SLC25A17: variants seen among roughly 807,000 people sequenced by gnomAD.
SLC25A17 encodes peroxisomal membrane protein PMP34.
Under a neutral mutation model 38.5 loss-of-function variants are expected in SLC25A17, and 26 were observed. The observed-to-expected ratio is 0.68, with a 90% CI of 0.50 to 0.94. SLC25A17 has a LOEUF of 0.94. SLC25A17 is among the 40% of genes least tolerant of loss of function. SLC25A17 has a pLI of 0.00. For missense variants in SLC25A17, 333 were observed against 372.7 expected (o/e 0.89, Z 0.88); for synonymous variants, 139 against 136.2 (o/e 1.02, Z -0.14).
chr22:40,816,629 A>C, intron 1 of SLC25A17, among the ~76,000 whole-genome samples: 1 of 142,186 alleles, frequency 7.0e-6, no homozygotes, highest in East Asian at 2.0e-4. Context: ...TTTTTTCTTG[A>C]GACGGAGTCT....
chr22:40,819,105 T>C (rs2057670533), intron 1 of SLC25A17, 90 bp downstream of exon 1: 1 of 1,406,276 alleles, frequency 7.1e-7, no homozygotes, highest in Non-Finnish European at 9.9e-7. Context: ...ACTACCTCCC[T>C]CTCAGACCCA....
intron 4 of SLC25A17, among the ~76,000 whole-genome samples, chr22:40,784,864 T>G (rs759203489): frequency 1.1e-4 from 16 of 151,772 alleles, no homozygotes; most frequent in Non-Finnish European, 1.8e-4. Context: ...ATAACCTACC[T>G]GGATCTTGTG....
In SLC25A17 at chr22:40,773,270, C is replaced by CGTG. The variant is rs201691338; in HGVS notation, c.776+664_776+666dup. On this transcript the variant is annotated intron_variant, in intron 8 of 8. Coordinates refer to ENST00000435456, the MANE Select transcript of SLC25A17 (RefSeq NM_006358.4). ...TAAAAAATACAAAAAATGAGCCAGG[C>CGTG]GTGGTGGCAGGCGCCTGTAGTCCCA... Among the ~76,000 whole-genome samples the CGTG allele has an allele frequency of 3.6e-3, 542 of 152,022 alleles. 5 individuals carry two copies. Among genetic ancestry groups the CGTG allele is most frequent in the African/African-American group, 0.013 (522 of 41,456 alleles).
chr22:40,799,000 A>G (rs749106594), intron 2 of SLC25A17, 23 bp downstream of exon 2: 10 of 1,525,580 alleles, frequency 6.6e-6, no homozygotes, highest in Non-Finnish European at 9.1e-6. Flanking sequence ...CACCATACAA[A>G]TAGGAGTATG....
chr22:40,770,077 A>G lies in SLC25A17; in HGVS notation c.*757T>C, dbSNP rs555099719. 7.2e-5 allele frequency: 11 copies of G among 152,316 alleles called. No individual in the cohort carries two copies. Among genetic ancestry groups the G allele is most frequent in the Admixed American group, 7.2e-4 (11 of 15,300 alleles). The allele number at this position is 152,316 out of a possible 1,614,324, so 9.4% of individuals were successfully genotyped here. A position where few individuals can be genotyped will look rare whatever the true frequency, so the allele number is the denominator to read the frequency against. ...CCTTAATAAAGAGCAATTTTCAAGAATATCTTTTTTGTGCTGACCATTTAT... is the reference window on the plus strand; with the variant it reads ...CCTTAATAAAGAGCAATTTTCAAGAGTATCTTTTTTGTGCTGACCATTTAT... On this transcript the variant is annotated 3_prime_UTR_variant, in exon 9 of 9. Transcript: ENST00000435456.
At chr22:40,807,137 C>T (rs1299694542) in intron 1 of SLC25A17, among the ~76,000 whole-genome samples, 1 of 152,104 alleles carries the variant, frequency 6.6e-6, no homozygotes, top group Admixed American at 6.6e-5. Context: ...TTTATCTATT[C>T]AAAATGTTTT....
At chr22:40,797,815 A>G (rs925326909) in intron 2 of SLC25A17, among the ~76,000 whole-genome samples, 1 of 152,248 alleles carries the variant, frequency 6.6e-6, no homozygotes, top group African/African-American at 2.4e-5. Flanking sequence ...GAGGTGCACC[A>G]GGCCTGTATG....
At chr22:40,805,410 G>A (rs1052390566) in intron 1 of SLC25A17, among the ~76,000 whole-genome samples, 1 of 152,198 alleles carries the variant, frequency 6.6e-6, no homozygotes, top group Non-Finnish European at 1.5e-5. Flanking sequence ...GCAGTGTGAT[G>A]AGGACTCAAC....
At chr22:40,813,136 A>T (rs1478265470) in intron 1 of SLC25A17, among the ~76,000 whole-genome samples, 2 of 152,226 alleles carry the variant, frequency 1.3e-5, no homozygotes, top group African/African-American at 2.4e-5. Flanking sequence ...TTACGTCCCA[A>T]GTATAGTATA....
At chr22:40,796,305 A>G (rs945678930) in intron 2 of SLC25A17, among the ~76,000 whole-genome samples, 2 of 152,178 alleles carry the variant, frequency 1.3e-5, no homozygotes, top group Middle Eastern at 3.2e-3. Context: ...AATTGGTACC[A>G]GTATGGCTTG....
chr22:40,806,354 T>A (rs889804438), intron 1 of SLC25A17, among the ~76,000 whole-genome samples: 1 of 152,202 alleles, frequency 6.6e-6, no homozygotes, highest in Admixed American at 6.5e-5. Context: ...AATGTAGGCT[T>A]CCATTTCCAG....
At chr22:40,791,080 G>C in intron 4 of SLC25A17, among the ~76,000 whole-genome samples, 1 of 152,202 alleles carries the variant, frequency 6.6e-6, no homozygotes, top group Non-Finnish European at 1.5e-5. Flanking sequence ...GGGAAGATCA[G>C]ACTATAGTGC....
Position 40,811,938 on chromosome 22 carries a change from G to A in SLC25A17, c.54+7257C>T, listed in dbSNP as rs150365761. 1.2e-3 allele frequency among the ~76,000 whole-genome samples: 186 copies of A among 151,992 alleles called. 1 individual carries two copies. Among genetic ancestry groups the A allele is most frequent in the African/African-American group, 4.4e-3 (182 of 41,432 alleles). ...TCCAAACTGTATCAGTCACATAAAC[G>A]ATTTTTAGCCTAAGTTCTTGGGGAT... On this transcript the variant is annotated intron_variant, in intron 1 of 8. Coordinates refer to ENST00000435456, the MANE Select transcript of SLC25A17 (RefSeq NM_006358.4).
chr22:40,813,122 A>C (rs1568990114), intron 1 of SLC25A17, among the ~76,000 whole-genome samples: 1 of 152,172 alleles, frequency 6.6e-6, no homozygotes, highest in Non-Finnish European at 1.5e-5. Flanking sequence ...GATAAAATAT[A>C]GGTTTACGTC....
intron 1 of SLC25A17, among the ~76,000 whole-genome samples, chr22:40,813,098 C>T (rs1276108372): frequency 6.6e-6 from 1 of 152,146 alleles, no homozygotes; most frequent in East Asian, 1.9e-4. Context: ...GGATGACACT[C>T]TCGAGTGTTT....
chr22:40,775,798 C>T (rs1014512208), intron 7 of SLC25A17, among the ~76,000 whole-genome samples: 11 of 152,222 alleles, frequency 7.2e-5, no homozygotes, highest in Non-Finnish European at 1.2e-4. Flanking sequence ...TCCCCCTGCA[C>T]TTGTCCTTGC....
At chr22:40,795,281 C>G (rs987752976) in intron 2 of SLC25A17, among the ~76,000 whole-genome samples, 1 of 151,942 alleles carries the variant, frequency 6.6e-6, no homozygotes, top group African/African-American at 2.4e-5. Flanking sequence ...GAAAAGACGA[C>G]AGAAAACATT....
At chr22:40,807,411 C>T (rs979708165) in intron 1 of SLC25A17, among the ~76,000 whole-genome samples, 11 of 152,216 alleles carry the variant, frequency 7.2e-5, no homozygotes, top group African/African-American at 2.4e-4. Context: ...ACAGAACTCA[C>T]GCTCTTACTA....
rs6002156 is a variant in SLC25A17, at chr22:40,806,798, T to C, written c.55-7715A>G. Among the ~76,000 whole-genome samples the C allele has an allele frequency of 3.6e-3, 545 of 152,330 alleles. 5 individuals are homozygous for C. Among genetic ancestry groups the C allele is most frequent in the African/African-American group, 0.013 (524 of 41,570 alleles). ...TTCTGTCTCTATTCTGGATATTTACTCTAAAGGAAATCATGTAACCTGTGA... is the reference window on the plus strand; with the variant it reads ...TTCTGTCTCTATTCTGGATATTTACCCTAAAGGAAATCATGTAACCTGTGA... On this transcript the variant is annotated intron_variant, in intron 1 of 8. Coordinates refer to ENST00000435456, the MANE Select transcript of SLC25A17 (RefSeq NM_006358.4).
Sources: gnomAD v4.1 joint callset for allele counts (sites outside exome capture counted in the v4.1 genomes callset) on GRCh38, gnomAD v4.1.1 for gene constraint, MANE v1.5 for transcripts, NCBI Gene and HGNC (gene_info 2026-07-23, HGNC 2026-07-21) for gene names.